Variants in TRIP11 observed in about 807,000 individuals in gnomAD.
TRIP11 encodes thyroid hormone receptor interactor 11.
In TRIP11, 148 loss-of-function variants were observed where a neutral mutation model predicts 223.1. The observed-to-expected ratio is 0.66, with a 90% CI of 0.58 to 0.76. The LOEUF (loss-of-function observed/expected upper bound fraction) is 0.76. Among genes scored for constraint, TRIP11 ranks in the 30% least tolerant of loss-of-function variants. The probability of loss-of-function intolerance (pLI) is 0.00; values close to 1 mark genes in which losing one functional copy is unlikely to be tolerated. For missense variants in TRIP11, 2,043 were observed against 2,222.0 expected (o/e 0.92, Z 1.62); for synonymous variants, 762 against 772.6 (o/e 0.99, Z 0.23).
In TRIP11 at chr14:92,005,334, G is replaced by A; in HGVS notation, c.2642C>T (p.Pro881Leu). 1 of 1,614,156 alleles carries A rather than the reference G, an allele frequency of 6.2e-7. No individual in the cohort carries two copies. Among genetic ancestry groups the A allele is most frequent in the Non-Finnish European group, 8.5e-7 (1 of 1,180,024 alleles). The change falls in exon 11 of 21, where the codon CCT becomes CTT. Residue 881 changes from proline to leucine, a missense_variant. Physicochemically the swap from Pro to Leu is moderately conservative, Grantham distance 98 (BLOSUM62 -3). Transcript: ENST00000267622. ...RLREEQSRTA[P>L]VADPKTLDSV... ...ATCAAGGGTTTTAGGGTCAGCCACAGGTGCGGTTCGACTCTGCTCTTCCCT... is the reference window on the plus strand; with the variant it reads ...ATCAAGGGTTTTAGGGTCAGCCACAAGTGCGGTTCGACTCTGCTCTTCCCT...
intron 4 of TRIP11, among the ~76,000 whole-genome samples, chr14:92,021,042 C>G (rs1366569875): frequency 6.8e-6 from 1 of 146,014 alleles, no homozygotes; most frequent in Admixed American, 6.9e-5. Context: ...TGCATTCCAG[C>G]CTCGGTGACA....
intron 2 of TRIP11, among the ~76,000 whole-genome samples, chr14:92,027,276 A>T (rs2140142791): frequency 6.6e-6 from 1 of 151,760 alleles, no homozygotes; most frequent in South Asian, 2.1e-4. Context: ...GTGTGACCAT[A>T]TTCATTATAA....
rs1040514961 is a variant in TRIP11, at chr14:92,027,033, G to A, written c.202-1613C>T. The A allele has an allele frequency of 8.5e-5, 52 of 613,522 alleles. No individual in the cohort carries two copies. The African/African-American group carries it at 8.6e-4, about 10-fold the overall frequency. The allele number at this position is 613,522 out of a possible 1,614,324, so 38.0% of individuals were successfully genotyped here. A position where few individuals can be genotyped will look rare whatever the true frequency, so the allele number is the denominator to read the frequency against. ...GGGCAGTGCCACCAGCAGATGACAC[G>A]CGCTCTCCACCACGCAACCCAAACC... On this transcript the variant is annotated intron_variant, in intron 2 of 20. Transcript: ENST00000267622.
intron 20 of TRIP11, 94 bp from the exon 21 acceptor site, chr14:91,969,987 A>G (rs967704737): frequency 1.7e-6 from 2 of 1,191,470 alleles, no homozygotes; most frequent in African/African-American, 3.1e-5. Context: ...TATCTGTGTA[A>G]TATTGTTAAA....
intron 19 of TRIP11, 141 bp downstream of exon 19, chr14:91,974,486 T>C (rs938019023): frequency 1.5e-6 from 1 of 683,712 alleles, no homozygotes; most frequent in Non-Finnish European, 2.5e-6. Context: ...CTTAATCACC[T>C]CTCTGGAACT....
chr14:92,040,048 C>G lies in TRIP11; in HGVS notation c.-363G>C. ...GCCGCCATGACACTCGCTCGGAAAG[C>G]GGCAGCGGATCATAGAAAAGCGCCG... On this transcript the variant is annotated 5_prime_UTR_variant, in exon 1 of 21. Coordinates refer to ENST00000267622, the MANE Select transcript of TRIP11 (RefSeq NM_004239.4). 2.4e-6 allele frequency: 1 copy of G among 417,086 alleles called. No homozygotes were observed. The highest frequency in any genetic ancestry group is 2.4e-5 in the South Asian group (1 of 42,090). The allele number at this position is 417,086 out of a possible 1,614,324, so 25.8% of individuals were successfully genotyped here. A position where few individuals can be genotyped will look rare whatever the true frequency, so the allele number is the denominator to read the frequency against.
intron 15 of TRIP11, among the ~76,000 whole-genome samples, chr14:91,989,493 T>C (rs554599894): frequency 4.5e-4 from 68 of 150,904 alleles, no homozygotes; most frequent in African/African-American, 1.6e-3. Flanking sequence ...CTAGTCAATA[T>C]TGTATCGATT....
intron 12 of TRIP11, 128 bp from the exon 13 acceptor site, chr14:91,999,561 T>G (rs1191933846): frequency 3.0e-6 from 3 of 1,015,626 alleles, no homozygotes; most frequent in African/African-American, 1.6e-5. Context: ...TACTGCAAAA[T>G]GTATTTATGC....
intron 17 of TRIP11, among the ~76,000 whole-genome samples, chr14:91,975,602 T>TTA (rs2056454175): frequency 6.6e-6 from 1 of 152,134 alleles, no homozygotes; most frequent in Non-Finnish European, 1.5e-5. Context: ...ACTGGGCTAA[T>TTA]GTTCACCTGA....
At chr14:92,013,260 C>T (rs11851659) in intron 7 of TRIP11, among the ~76,000 whole-genome samples, 3,529 of 152,156 alleles carry the variant, frequency 0.023, 131 homozygotes, top group African/African-American at 0.072. Flanking sequence ...GAGCGAGACT[C>T]TGTCTCAAAA....
intron 11 of TRIP11, among the ~76,000 whole-genome samples, chr14:92,001,827 G>T (rs1205290571): frequency 1.3e-5 from 2 of 152,150 alleles, no homozygotes; most frequent in African/African-American, 4.8e-5. Flanking sequence ...TAGCCTCTAG[G>T]ACTCTCTTCA....
intron 15 of TRIP11, among the ~76,000 whole-genome samples, chr14:91,989,338 T>C (rs2056644929): frequency 6.6e-6 from 1 of 152,044 alleles, no homozygotes; most frequent in Admixed American, 6.6e-5. Flanking sequence ...TGTTTTTTTT[T>C]CCTTCCTTCC....
chr14:91,968,511 A>G lies in TRIP11; in HGVS notation c.*1162T>C, dbSNP rs115549826. On this transcript the variant is annotated 3_prime_UTR_variant, in exon 21 of 21. Coordinates refer to ENST00000267622, the MANE Select transcript of TRIP11 (RefSeq NM_004239.4). ...ACCGCAGACGGAGGCAGGAAGTGGCATGTTCAGTGATTTTGCTAATTATAC... is the reference window on the plus strand; with the variant it reads ...ACCGCAGACGGAGGCAGGAAGTGGCGTGTTCAGTGATTTTGCTAATTATAC... The G allele has an allele frequency of 1.3e-3, 272 of 217,120 alleles. 1 individual carries two copies. Among genetic ancestry groups the G allele is most frequent in the African/African-American group, 5.9e-3 (262 of 44,494 alleles). The allele number at this position is 217,120 out of a possible 1,614,324, so 13.4% of individuals were successfully genotyped here. A position where few individuals can be genotyped will look rare whatever the true frequency, so the allele number is the denominator to read the frequency against.
chr14:91,983,412 T>C (rs1238422403), intron 16 of TRIP11, among the ~76,000 whole-genome samples: 1 of 152,254 alleles, frequency 6.6e-6, no homozygotes, highest in Non-Finnish European at 1.5e-5. Flanking sequence ...ATTTATGTTC[T>C]GAATTATGAA....
chr14:92,013,863 G>C (rs769038480), intron 7 of TRIP11, among the ~76,000 whole-genome samples: 3 of 152,130 alleles, frequency 2.0e-5, no homozygotes, highest in Non-Finnish European at 2.9e-5. Context: ...GAAAATGGTG[G>C]AAGACCTATG....
chr14:91,976,731 C>G (rs2056469452), intron 16 of TRIP11, among the ~76,000 whole-genome samples: 1 of 151,964 alleles, frequency 6.6e-6, no homozygotes, highest in African/African-American at 2.4e-5. Context: ...GTAATCGGCT[C>G]TAATATACAA....
intron 15 of TRIP11, 54 bp from the exon 16 acceptor site, chr14:91,988,437 A>G (rs2056630412): frequency 2.0e-6 from 3 of 1,490,996 alleles, no homozygotes; most frequent in Non-Finnish European, 2.8e-6. Context: ...TTCACAAACT[A>G]TAAGGCTGAG....
intron 16 of TRIP11, among the ~76,000 whole-genome samples, chr14:91,977,855 G>A (rs537592524): frequency 6.6e-6 from 1 of 152,128 alleles, no homozygotes; most frequent in African/African-American, 2.4e-5. Context: ...GATGGCTTGT[G>A]GTTTTCCTAA....
At chr14:91,980,107 C>T (rs1241944810) in intron 16 of TRIP11, among the ~76,000 whole-genome samples, 1 of 152,128 alleles carries the variant, frequency 6.6e-6, no homozygotes, top group Non-Finnish European at 1.5e-5. Context: ...ATCAGAGTCT[C>T]TTCTCTGGAA....
Sources: gnomAD v4.1 joint callset for allele counts (sites outside exome capture counted in the v4.1 genomes callset) on GRCh38, gnomAD v4.1.1 for gene constraint, MANE v1.5 for transcripts, NCBI Gene and HGNC (gene_info 2026-07-23, HGNC 2026-07-21) for gene names.